The following PRKG1 variants were observed in gnomAD, a reference collection of about 807,000 sequenced individuals.
PRKG1 encodes the protein cGMP-dependent protein kinase 1.
A neutral mutation model predicts 88.1 loss-of-function variants in PRKG1; 35 were observed. The observed-to-expected ratio is 0.40, with a 90% confidence interval of 0.30 to 0.53. The LOEUF is 0.53. Ranked by LOEUF, PRKG1 falls within the 20% of genes least tolerant of loss-of-function variation. PRKG1 has a pLI of 0.59. For missense variants in PRKG1, 540 were observed against 839.8 expected (o/e 0.64, Z 4.41); for synonymous variants, 303 against 292.5 (o/e 1.04, Z -0.37).
chr10:51,071,796 C>A (rs534732093), upstream of PRKG1, among the ~76,000 whole-genome samples: 26 of 152,186 alleles, frequency 1.7e-4, no homozygotes, highest in Middle Eastern at 3.4e-3. Context: ...TGAGGAAGAA[C>A]CTTCTCTCTT....
chr10:51,318,810 T>G (rs997089088), intron 2 of PRKG1, among the ~76,000 whole-genome samples: 1 of 152,234 alleles, frequency 6.6e-6, no homozygotes, highest in Non-Finnish European at 1.5e-5. Context: ...GTTTGACATA[T>G]TTTAAATTAG....
At chr10:51,054,404 A>T (rs1016310583) in intron 1 of PRKG1, among the ~76,000 whole-genome samples, 22 of 152,186 alleles carry the variant, frequency 1.4e-4, no homozygotes, top group African/African-American at 4.8e-4. Context: ...CTGAAAATTA[A>T]ATGTTACCAG....
At chr10:52,114,099 G>A (rs1847630986) in intron 7 of PRKG1, among the ~76,000 whole-genome samples, 1 of 152,056 alleles carries the variant, frequency 6.6e-6, no homozygotes, top group Admixed American at 6.6e-5. Flanking sequence ...TTGGGGTTAG[G>A]TAAATGTGAG....
chr10:52,011,477 T>C (rs984165333), intron 5 of PRKG1, among the ~76,000 whole-genome samples: 1 of 152,142 alleles, frequency 6.6e-6, no homozygotes, highest in Non-Finnish European at 1.5e-5. Context: ...CTCCGCCTCC[T>C]TTTTTTGGTC....
At chr10:51,289,293 C>T (rs1840522044) in intron 2 of PRKG1, among the ~76,000 whole-genome samples, 1 of 152,042 alleles carries the variant, frequency 6.6e-6, no homozygotes, top group Non-Finnish European at 1.5e-5. Flanking sequence ...TGTCTGTTAC[C>T]ATGAATACTG....
intron 3 of PRKG1, among the ~76,000 whole-genome samples, chr10:51,757,798 C>A (rs1005204338): frequency 1.3e-5 from 2 of 152,096 alleles, no homozygotes; most frequent in Non-Finnish European, 2.9e-5. Flanking sequence ...CAATTAATTT[C>A]ACCTGTTTCT....
chr10:51,797,956 T>C (rs1262957697), intron 3 of PRKG1, among the ~76,000 whole-genome samples: 1 of 152,058 alleles, frequency 6.6e-6, no homozygotes, highest in African/African-American at 2.4e-5. Context: ...TGTTTATCTA[T>C]GTTATAGCAC....
chr10:51,523,044 C>G (rs1841777466), intron 3 of PRKG1, among the ~76,000 whole-genome samples: 1 of 152,146 alleles, frequency 6.6e-6, no homozygotes, highest in Non-Finnish European at 1.5e-5. Flanking sequence ...TGTCCGGTAA[C>G]TCTGTCCACG....
At chr10:51,914,612 A>G (rs1482002700) in intron 5 of PRKG1, among the ~76,000 whole-genome samples, 1 of 152,190 alleles carries the variant, frequency 6.6e-6, no homozygotes, top group Non-Finnish European at 1.5e-5. Context: ...ATTAAAGTCA[A>G]TTTCATGTCC....
intron 4 of PRKG1, among the ~76,000 whole-genome samples, chr10:51,860,286 G>A (rs1334698002): frequency 6.6e-6 from 1 of 152,160 alleles, no homozygotes; most frequent in Admixed American, 6.5e-5. Context: ...ATACCTATGT[G>A]TCAATTGTGT....
chr10:52,187,010 T>A (rs1197050647), intron 9 of PRKG1, among the ~76,000 whole-genome samples: 14 of 152,182 alleles, frequency 9.2e-5, no homozygotes, highest in Non-Finnish European at 1.5e-5. Flanking sequence ...AAAACCAAAT[T>A]TTATAAAATA....
intron 3 of PRKG1, among the ~76,000 whole-genome samples, chr10:51,734,027 A>G (rs1426574997): frequency 6.6e-6 from 1 of 152,188 alleles, no homozygotes; most frequent in Non-Finnish European, 1.5e-5. Context: ...TTTCTATAAC[A>G]GGTTCTTGTG....
intron 8 of PRKG1, among the ~76,000 whole-genome samples, chr10:52,148,489 T>C (rs1837793825): frequency 6.6e-6 from 1 of 151,882 alleles, no homozygotes; most frequent in South Asian, 2.1e-4. Flanking sequence ...ACAAGAAATA[T>C]TTAAGAAAAC....
chr10:52,011,571 T>G (rs1844880040), intron 5 of PRKG1, among the ~76,000 whole-genome samples: 1 of 152,182 alleles, frequency 6.6e-6, no homozygotes, highest in South Asian at 2.1e-4. Context: ...CAAGTGCTCC[T>G]TTGCTTCTCC....
intron 2 of PRKG1, among the ~76,000 whole-genome samples, chr10:51,179,521 T>C (rs1326177625): frequency 6.6e-6 from 1 of 152,208 alleles, no homozygotes; most frequent in African/African-American, 2.4e-5. Context: ...AATATGACAG[T>C]TGGAAAGCGT....
intron 3 of PRKG1, among the ~76,000 whole-genome samples, chr10:51,760,052 A>C (rs763424166): frequency 6.6e-6 from 1 of 152,204 alleles, no homozygotes; most frequent in African/African-American, 2.4e-5. Flanking sequence ...AGCCCATTAT[A>C]TCTTACTTCA....
chr10:51,359,274 G>A (rs1251149676), intron 2 of PRKG1, among the ~76,000 whole-genome samples: 1 of 151,748 alleles, frequency 6.6e-6, no homozygotes, highest in Non-Finnish European at 1.5e-5. Flanking sequence ...TTAGTTAAAG[G>A]TAGCCTTAGA....
At chr10:51,396,829 A>G (rs1837589074) in intron 2 of PRKG1, among the ~76,000 whole-genome samples, 1 of 152,238 alleles carries the variant, frequency 6.6e-6, no homozygotes, top group Non-Finnish European at 1.5e-5. Flanking sequence ...GGTATGTAGT[A>G]GGGCGGGTAC....
chr10:51,349,631 C>A (rs1004410946), intron 2 of PRKG1, among the ~76,000 whole-genome samples: 1 of 151,760 alleles, frequency 6.6e-6, no homozygotes, highest in Non-Finnish European at 1.5e-5. Context: ...CTTAGCCTCC[C>A]AAATAGCTGG....
Sources: gnomAD v4.1 joint callset for allele counts (sites outside exome capture counted in the v4.1 genomes callset) on GRCh38, gnomAD v4.1.1 for gene constraint, MANE v1.5 for transcripts, NCBI Gene and HGNC (gene_info 2026-07-23, HGNC 2026-07-21) for gene names.